The following WDFY3 variants were observed in gnomAD, a reference collection of about 807,000 sequenced individuals.
The protein encoded by WDFY3 is WD repeat and FYVE domain-containing protein 3.
In WDFY3, 66 loss-of-function variants were observed where a neutral mutation model predicts 409.6. That is an observed-to-expected ratio of 0.16 (90% CI 0.13 to 0.20). WDFY3 has a LOEUF of 0.20. Among genes scored for constraint, WDFY3 ranks in the 10% least tolerant of loss-of-function variants. The pLI is 1.00. For missense variants in WDFY3, 3,031 were observed against 4,298.1 expected (o/e 0.71, Z 8.24); for synonymous variants, 1,521 against 1,537.1 (o/e 0.99, Z 0.25).
Position 84,683,926 on chromosome 4 carries a change from T to TC in WDFY3, c.9726+16dup, listed in dbSNP as rs918300147. ...GATGACAAATATCCTAATGAGTTTTTCTCTCAGTTCACTTACCCGAACCAC... is the reference window on the plus strand; with the variant it reads ...GATGACAAATATCCTAATGAGTTTTTCCTCTCAGTTCACTTACCCGAACCAC... On this transcript the variant is annotated intron_variant, in intron 63 of 67. Transcript: ENST00000295888. 1.3e-5 allele frequency: 20 copies of TC among 1,566,876 alleles called. No homozygotes were observed. Among genetic ancestry groups the TC allele is most frequent in the Non-Finnish European group, 1.7e-5 (20 of 1,147,292 alleles).
intron 67 of WDFY3, among the ~76,000 whole-genome samples, chr4:84,673,796 T>C (rs1347297620): frequency 6.6e-6 from 1 of 152,082 alleles, no homozygotes; most frequent in African/African-American, 2.4e-5. Flanking sequence ...AATTTTTTTT[T>C]GGTAGGGATG....
At chr4:84,696,249 C>G (rs1205887673) in intron 57 of WDFY3, 67 bp from the exon 58 acceptor site, 105 of 1,477,716 alleles carry the variant, frequency 7.1e-5, no homozygotes, top group Non-Finnish European at 8.9e-5. Flanking sequence ...CTAGAAAAAC[C>G]TTGGTAAGTG....
intron 36 of WDFY3, among the ~76,000 whole-genome samples, chr4:84,748,866 T>C (rs1578351403): frequency 2.0e-5 from 3 of 152,024 alleles, no homozygotes; most frequent in East Asian, 3.9e-4. Context: ...ATGGTAAATA[T>C]GTAAGATAAT....
intron 62 of WDFY3, 121 bp downstream of exon 62, chr4:84,687,965 C>G: frequency 9.4e-7 from 1 of 1,067,134 alleles, no homozygotes; most frequent in Non-Finnish European, 1.4e-6. Context: ...AACTAATCCT[C>G]CTGCGGTAGC....
In WDFY3 at chr4:84,724,474, C is replaced by A; in HGVS notation, c.7393G>T (p.Ala2465Ser). ...AIVESSEGEA[A>S]QQEPEHGEDT... The stretch of plus-strand genomic sequence containing the variant: ...TCCCCATGCTCTGGTTCTTGCTGAG[C>A]AGCTTCACCTTCTGAACTCTCCACA... Residue 2465 changes from alanine to serine, a missense_variant, in exon 46 of 68, where the codon GCT (alanine) becomes TCT (serine). By Grantham distance (99) the Ala-to-Ser change is moderately conservative. Coordinates refer to ENST00000295888, the MANE Select transcript of WDFY3 (RefSeq NM_014991.6). 1 of 1,613,962 alleles carries A rather than the reference C, an allele frequency of 6.2e-7. No individual in the cohort carries two copies. Among genetic ancestry groups the A allele is most frequent in the Non-Finnish European group, 8.5e-7 (1 of 1,179,908 alleles).
chr4:84,897,931 T>C (rs1385950419), intron 2 of WDFY3, among the ~76,000 whole-genome samples: 1 of 152,178 alleles, frequency 6.6e-6, no homozygotes, highest in African/African-American at 2.4e-5. Flanking sequence ...AAAAGCAAGA[T>C]ACAATTAACT....
chr4:84,781,387 C>CTTTTTT (rs200260886), intron 25 of WDFY3, among the ~76,000 whole-genome samples: 3 of 145,100 alleles, frequency 2.1e-5, no homozygotes, highest in African/African-American at 5.3e-5. Flanking sequence ...CCTTCTTTCC[C>CTTTTTT]TTTTGTTTTT....
At chr4:84,911,166 A>G (rs1767727667) in intron 2 of WDFY3, among the ~76,000 whole-genome samples, 1 of 152,200 alleles carries the variant, frequency 6.6e-6, no homozygotes, top group Non-Finnish European at 1.5e-5. Context: ...GAAATCATAC[A>G]TCTGATAAGG....
chr4:84,896,471 T>C (rs1459280734), intron 3 of WDFY3, among the ~76,000 whole-genome samples: 1 of 152,050 alleles, frequency 6.6e-6, no homozygotes, highest in African/African-American at 2.4e-5. Flanking sequence ...TATAAGCATA[T>C]TTATAAAACT....
intron 2 of WDFY3, among the ~76,000 whole-genome samples, chr4:84,897,383 A>G (rs778355589): frequency 5.3e-5 from 8 of 151,938 alleles, no homozygotes; most frequent in Admixed American, 1.3e-4. Context: ...TTATTTTATT[A>G]TTTTATTTTA....
At chr4:84,718,057 CAAAAAAAAAA>C (rs35076143) in intron 48 of WDFY3, among the ~76,000 whole-genome samples, 1 of 61,352 alleles carries the variant, frequency 1.6e-5, no homozygotes, top group African/African-American at 6.4e-5. Context: ...GACACTGTCT[CAAAAAAAAAA>C]AAAAAAAAAA....
chr4:84,932,053 C>T (rs537189299), intron 2 of WDFY3, among the ~76,000 whole-genome samples: 1 of 152,184 alleles, frequency 6.6e-6, no homozygotes, highest in South Asian at 2.1e-4. Context: ...CTGAAGATAA[C>T]TTATTCTAAT....
intron 60 of WDFY3, 87 bp from the exon 61 acceptor site, chr4:84,690,751 G>A: frequency 2.8e-6 from 4 of 1,445,374 alleles, no homozygotes; most frequent in Non-Finnish European, 2.7e-6. Context: ...GAGTGAAGGT[G>A]CAGGCACCTC....
At chr4:84,805,948 A>G (rs1751430501) in intron 15 of WDFY3, among the ~76,000 whole-genome samples, 1 of 152,204 alleles carries the variant, frequency 6.6e-6, no homozygotes, top group Admixed American at 6.5e-5. Flanking sequence ...TTCCAAATAT[A>G]AAGTCAGCTA....
intron 3 of WDFY3, among the ~76,000 whole-genome samples, chr4:84,882,118 T>C (rs1763617640): frequency 6.6e-6 from 1 of 152,116 alleles, no homozygotes; most frequent in Admixed American, 6.6e-5. Flanking sequence ...TATCATCTCA[T>C]ATCCGCTCAT....
intron 3 of WDFY3, among the ~76,000 whole-genome samples, chr4:84,878,553 A>G (rs1019815060): frequency 4.6e-5 from 7 of 152,218 alleles, no homozygotes; most frequent in Admixed American, 4.6e-4. Flanking sequence ...TACATTTTTC[A>G]CAAAATATCA....
intron 3 of WDFY3, among the ~76,000 whole-genome samples, chr4:84,879,154 C>A (rs528410791): frequency 4.6e-5 from 7 of 152,136 alleles, no homozygotes; most frequent in Non-Finnish European, 1.0e-4. Flanking sequence ...ATCTTCTGCC[C>A]TAGCCCTCCC....
At chr4:84,703,274 A>G (rs1578186296) in intron 55 of WDFY3, among the ~76,000 whole-genome samples, 1 of 152,344 alleles carries the variant, frequency 6.6e-6, no homozygotes, top group Non-Finnish European at 1.5e-5. Flanking sequence ...TAAATGGAGA[A>G]TTAGAAAAGG....
At chr4:84,834,254 C>A (rs765055670) in intron 7 of WDFY3, among the ~76,000 whole-genome samples, 4 of 152,214 alleles carry the variant, frequency 2.6e-5, no homozygotes, top group Non-Finnish European at 5.9e-5. Context: ...AATTTGTTGA[C>A]TTATAAGATA....
Sources: gnomAD v4.1 joint callset for allele counts (sites outside exome capture counted in the v4.1 genomes callset) on GRCh38, gnomAD v4.1.1 for gene constraint, MANE v1.5 for transcripts, NCBI Gene and HGNC (gene_info 2026-07-23, HGNC 2026-07-21) for gene names.